The following PHF12 variants were observed in gnomAD, a reference collection of about 807,000 sequenced individuals.
The protein encoded by PHF12 is PHD factor 1.
In PHF12, 6 loss-of-function variants were observed where a neutral mutation model predicts 99.8. That is an observed-to-expected ratio of 0.06 (90% CI 0.03 to 0.12). The LOEUF (loss-of-function observed/expected upper bound fraction) is 0.12. Among genes scored for constraint, PHF12 ranks in the 10% least tolerant of loss-of-function variants. The pLI is 1.00. For missense variants in PHF12, 954 were observed against 1,300.1 expected, an observed-to-expected ratio of 0.73 and a Z score of 4.09; for synonymous variants, 480 against 514.9, an observed-to-expected ratio of 0.93 and a Z score of 0.92.
At chr17:28,917,739 G>A (rs2040088250) in intron 6 of PHF12, among the ~76,000 whole-genome samples, 1 of 152,200 alleles carries the variant, frequency 6.6e-6, no homozygotes, top group Non-Finnish European at 1.5e-5. Flanking sequence ...TTCGGCCTCT[G>A]ACAGTCTTCT....
chr17:28,939,207 A>C (rs1049127083), intron 2 of PHF12, among the ~76,000 whole-genome samples: 1 of 152,240 alleles, frequency 6.6e-6, no homozygotes, highest in Non-Finnish European at 1.5e-5. Context: ...CAGGCAAAAC[A>C]ACAAGGACCA....
chr17:28,910,569 G>A lies in PHF12; in HGVS notation c.2216-200C>T, dbSNP rs948349562. On this transcript the variant is annotated intron_variant, in intron 10 of 14. Transcript: ENST00000332830. ...CATTTGCAGTGAGATGGGCCCCAAT[G>A]CAGCCTGTGCAGCTGCCTCCTGTAG... is the stretch of plus-strand genomic sequence containing the variant. 1.1e-5 allele frequency: 7 copies of A among 630,594 alleles called. No homozygotes were observed. In the Admixed American group the frequency reaches 2.1e-4, roughly 19 times the overall value. The allele number at this position is 630,594 out of a possible 1,614,324, so 39.1% of individuals were successfully genotyped here.
intron 2 of PHF12, among the ~76,000 whole-genome samples, chr17:28,947,932 T>C (rs1345332918): frequency 2.0e-5 from 3 of 152,166 alleles, no homozygotes; most frequent in African/African-American, 7.2e-5. Flanking sequence ...TGGGCAAGTC[T>C]GAATCTCACC....
chr17:28,945,250 A>C (rs988488408), intron 2 of PHF12: 3 of 152,206 alleles, frequency 2.0e-5, no homozygotes, highest in Admixed American at 6.5e-5. Flanking sequence ...ACAAACAAAC[A>C]ACCCCACTTC....
rs928377136 is a variant in PHF12, at chr17:28,907,687, G to T, written c.2459-15C>A. 3 of 1,611,858 alleles carry T rather than the reference G, an allele frequency of 1.9e-6. No individual in the cohort carries two copies. Among genetic ancestry groups the T allele is most frequent in the East Asian group, 2.2e-5 (1 of 44,858 alleles). ...CATGTCAGCTCCTGCAAGGTGGCAGGAGTAGAGGAAAAGGAAGGCAGAGAA... is the reference window on the plus strand; with the variant it reads ...CATGTCAGCTCCTGCAAGGTGGCAGTAGTAGAGGAAAAGGAAGGCAGAGAA... On this transcript the variant is annotated splice_polypyrimidine_tract_variant and intron_variant, in intron 12 of 14. Coordinates refer to ENST00000332830, the MANE Select transcript of PHF12 (RefSeq NM_001033561.2).
intron 2 of PHF12, among the ~76,000 whole-genome samples, chr17:28,941,448 CTCTT>C (rs1443367979): frequency 6.6e-6 from 1 of 152,150 alleles, no homozygotes; most frequent in Admixed American, 6.5e-5. Context: ...TCTCTGCGCT[CTCTT>C]TATTTACTGT....
intron 2 of PHF12, 86 bp from the exon 3 acceptor site, chr17:28,927,149 C>T: frequency 7.8e-7 from 1 of 1,276,334 alleles, no homozygotes; most frequent in Non-Finnish European, 1.1e-6. Flanking sequence ...TGTTCCTAAA[C>T]TCCTATTGTG....
intron 7 of PHF12, 54 bp from the exon 8 acceptor site, chr17:28,914,091 A>G: frequency 6.5e-7 from 1 of 1,527,266 alleles, no homozygotes; most frequent in Non-Finnish European, 9.0e-7. Context: ...CAACATGTCT[A>G]GTTGATTCTG....
chr17:28,945,456 C>T (rs1043297238), intron 2 of PHF12: 1 of 152,152 alleles, frequency 6.6e-6, no homozygotes, highest in Admixed American at 6.5e-5. Context: ...GCCAACAATT[C>T]CAAATATAAC....
At chr17:28,932,021 T>C (rs1430420838) in intron 2 of PHF12, among the ~76,000 whole-genome samples, 2 of 152,212 alleles carry the variant, frequency 1.3e-5, no homozygotes, top group Non-Finnish European at 2.9e-5. Context: ...ATCATAGGCA[T>C]AGCTGGAACA....
intron 2 of PHF12, among the ~76,000 whole-genome samples, chr17:28,930,951 A>T (rs1276420255): frequency 6.6e-6 from 1 of 152,158 alleles, no homozygotes; most frequent in Non-Finnish European, 1.5e-5. Flanking sequence ...ATGAGCCTAT[A>T]GCCCCAGCTA....
rs2152681034 is a variant in PHF12, at chr17:28,950,525, T to C, written c.67-279A>G. On this transcript the variant is annotated intron_variant, in intron 1 of 14. Coordinates refer to ENST00000332830, the MANE Select transcript of PHF12 (RefSeq NM_001033561.2). This position sits in a 1 kb window ranked among gnomAD's most constrained non-coding sequence, Gnocchi z 5.7. Reference sequence around the variant, plus strand: ...CGCGGTTCCCTTCTTGCCACTTCCTTGTATGGACAGTGGGGGACTCCAAAG... The same window carrying C: ...CGCGGTTCCCTTCTTGCCACTTCCTCGTATGGACAGTGGGGGACTCCAAAG... 1.8e-6 allele frequency: 1 copy of C among 547,492 alleles called. No individual in the cohort carries two copies. The highest frequency in any genetic ancestry group is 3.2e-6 in the Non-Finnish European group (1 of 308,262). 33.9% of individuals were successfully genotyped at this position (547,492 alleles called of 1,614,324 possible).
intron 2 of PHF12, among the ~76,000 whole-genome samples, chr17:28,942,120 C>T (rs959476674): frequency 2.6e-5 from 4 of 152,288 alleles, no homozygotes; most frequent in African/African-American, 7.2e-5. Context: ...CAAATCACAT[C>T]GTAAGGTTCT....
chr17:28,913,383 C>T, intron 8 of PHF12, 106 bp from the exon 9 acceptor site: 1 of 1,490,146 alleles, frequency 6.7e-7, no homozygotes, highest in African/African-American at 1.4e-5. Flanking sequence ...TTTCCGAGGT[C>T]CCATCATGAA....
At chr17:28,919,734 C>G (rs901447665) in intron 5 of PHF12, among the ~76,000 whole-genome samples, 1 of 152,206 alleles carries the variant, frequency 6.6e-6, no homozygotes, top group African/African-American at 2.4e-5. Flanking sequence ...GAGAGAGACT[C>G]TATCTCAAAC....
chr17:28,950,141 T>A lies in PHF12; in HGVS notation c.172A>T (p.Ser58Cys), dbSNP rs767102998. 34 of 1,613,952 alleles carry A rather than the reference T, an allele frequency of 2.1e-5. No homozygotes were observed. Among genetic ancestry groups the A allele is most frequent in the Non-Finnish European group, 2.8e-5 (33 of 1,179,994 alleles). Residue 58 changes from serine to cysteine, a missense_variant, in exon 2 of 15, where the codon AGC (serine) becomes TGC (cysteine). Physicochemically the swap from Ser to Cys is moderately radical, Grantham distance 112. This residue lies in a region of PHF12 where 10 missense variants were observed against 58.3 expected (regional missense o/e 0.17). Transcript: ENST00000332830. The surrounding 1 kb of genome is among the most constrained non-coding windows in gnomAD (Gnocchi z 5.7). ...CCACCTTCCTTGCAGCTATCGCAGC[T>A]GTCGTGGTTGGTGGCCCTGCCGCTT... is the stretch of plus-strand genomic sequence containing the variant. ...RRSGRATNHDSCDSCKEGGDL... is the reference protein window; with the variant it reads ...RRSGRATNHDCCDSCKEGGDL...
At chr17:28,932,702 T>C (rs2040435472) in intron 2 of PHF12, among the ~76,000 whole-genome samples, 1 of 152,148 alleles carries the variant, frequency 6.6e-6, no homozygotes, top group Non-Finnish European at 1.5e-5. Context: ...TCCCAGCACT[T>C]TGGGAGGCCA....
Position 28,950,764 on chromosome 17 carries a change from G to A in PHF12, c.66+131C>T, listed in dbSNP as rs1431816375. ...CCCTAAATTGCAAAGAGGGGAGGGAGAGGCTAGGTGAGGAAGAATCCCCCT... is the reference window on the plus strand; with the variant it reads ...CCCTAAATTGCAAAGAGGGGAGGGAAAGGCTAGGTGAGGAAGAATCCCCCT... On this transcript the variant is annotated intron_variant, in intron 1 of 14. Transcript: ENST00000332830. This position sits in a 1 kb window ranked among gnomAD's most constrained non-coding sequence, Gnocchi z 5.7. The A allele has an allele frequency of 4.1e-5, 54 of 1,326,220 alleles. No individual in the cohort carries two copies. Among genetic ancestry groups the A allele is most frequent in the Non-Finnish European group, 1.8e-5 (18 of 989,052 alleles). 82.2% of individuals were successfully genotyped at this position (1,326,220 alleles called of 1,614,324 possible).
rs922298323 is a variant in PHF12, at chr17:28,913,861, C to T, written c.1293+18G>A. The T allele has an allele frequency of 1.4e-5, 22 of 1,585,344 alleles. No homozygotes were observed. Among genetic ancestry groups the T allele is most frequent in the Admixed American group, 5.1e-5 (3 of 59,078 alleles). On this transcript the variant is annotated intron_variant, in intron 8 of 14. Transcript: ENST00000332830. The stretch of plus-strand genomic sequence containing the variant: ...GAAGGAAGGTTGGATTTGGAATCCC[C>T]GCCCCACCTTCACTCACCTCTTGCT...
Sources: gnomAD v4.1 joint callset for allele counts (sites outside exome capture counted in the v4.1 genomes callset) on GRCh38, gnomAD v4.1.1 for gene constraint, gnomAD v4.1.1 regional missense constraint, Gnocchi (gnomAD v3.1) non-coding constraint, MANE v1.5 for transcripts, NCBI Gene and HGNC (gene_info 2026-07-23, HGNC 2026-07-21) for gene names.